MBTPS1: variants seen among roughly 807,000 people sequenced by gnomAD.
MBTPS1 encodes the protein membrane-bound transcription factor site-1 protease.
In MBTPS1, 94 loss-of-function variants were observed where a neutral mutation model predicts 127.8. That is an observed-to-expected ratio of 0.74 (90% CI 0.62 to 0.87). The LOEUF (loss-of-function observed/expected upper bound fraction) is 0.87, where lower values mean the gene tolerates loss of function less well. Ranked by LOEUF, MBTPS1 falls within the 40% of genes least tolerant of loss-of-function variation. The pLI is 0.00. For missense variants in MBTPS1, 1,636 were observed against 1,353.2 expected (o/e 1.21, Z -3.28); for synonymous variants, 632 against 509.4 (o/e 1.24, Z -3.24).
chr16:84,089,640 TA>T (rs1297457331), intron 8 of MBTPS1, among the ~76,000 whole-genome samples: 2 of 152,228 alleles, frequency 1.3e-5, no homozygotes, highest in Non-Finnish European at 2.9e-5. Flanking sequence ...GGCTGCTCTC[TA>T]CTCCCATCAC....
intron 11 of MBTPS1, among the ~76,000 whole-genome samples, chr16:84,078,077 C>A (rs981581938): frequency 6.6e-6 from 1 of 152,190 alleles, no homozygotes; most frequent in Admixed American, 6.5e-5. Flanking sequence ...GTCAGTGAGG[C>A]TTTGGGGAAA....
At chr16:84,095,959 C>T (rs763641586) in intron 3 of MBTPS1, among the ~76,000 whole-genome samples, 154 bp from the exon 4 acceptor site, 53 of 152,148 alleles carry the variant, frequency 3.5e-4, no homozygotes, top group Non-Finnish European at 6.2e-4. Context: ...AGGACAGTCT[C>T]AATGCAATTA....
At chr16:84,097,856 GTGTGTGTGTGTGTGTT>G (rs1034888979) in intron 3 of MBTPS1, among the ~76,000 whole-genome samples, 5 of 151,552 alleles carry the variant, frequency 3.3e-5, no homozygotes, top group African/African-American at 1.2e-4. Context: ...GTGTGTGTGT[GTGTGTGTGTGTGTGTT>G]TGTGTGTGTG....
intron 1 of MBTPS1, among the ~76,000 whole-genome samples, chr16:84,116,345 C>G (rs1042132019): frequency 6.6e-6 from 1 of 152,172 alleles, no homozygotes; most frequent in African/African-American, 2.4e-5. Context: ...AAACCAGCAG[C>G]GCAATATGCA....
chr16:84,072,622 C>G (rs569608702), intron 12 of MBTPS1, among the ~76,000 whole-genome samples: 94 of 152,222 alleles, frequency 6.2e-4, no homozygotes, highest in African/African-American at 2.2e-3. Flanking sequence ...AAACCCGTCT[C>G]TACTAAAAAT....
At chr16:84,095,227 A>C (rs1326399460) in intron 4 of MBTPS1, among the ~76,000 whole-genome samples, 2 of 152,204 alleles carry the variant, frequency 1.3e-5, no homozygotes, top group African/African-American at 4.8e-5. Flanking sequence ...GAAGTGACAG[A>C]CTTCTGCAGG....
intron 16 of MBTPS1, 112 bp downstream of exon 16, chr16:84,067,555 T>A: frequency 1.2e-6 from 1 of 856,450 alleles, no homozygotes; most frequent in Non-Finnish European, 1.9e-6. Flanking sequence ...TCTGAATGTG[T>A]CTGTGCCAAC....
intron 1 of MBTPS1, among the ~76,000 whole-genome samples, chr16:84,107,810 T>G (rs936508996): frequency 1.0e-4 from 15 of 150,202 alleles, no homozygotes; most frequent in African/African-American, 1.5e-4. Context: ...GCTCAAGTGA[T>G]CCTCCTACCT....
At chr16:84,054,752 A>G (rs2085495081) in intron 22 of MBTPS1, 107 bp from the exon 23 acceptor site, 12 of 826,932 alleles carry the variant, frequency 1.5e-5, no homozygotes, top group South Asian at 1.2e-4. Flanking sequence ...AGCTAATTTC[A>G]CTAGCTGGGC....
Position 84,063,380 on chromosome 16 carries a change from T to C in MBTPS1, c.2497A>G (p.Ile833Val), listed in dbSNP as rs145091497. The change falls in exon 19 of 23, where the codon ATT becomes GTT. Residue 833 changes from isoleucine to valine, a missense_variant. Transcript: ENST00000343411. The stretch of plus-strand genomic sequence containing the variant: ...ATCCGGCCTCCACCCTCAGCTGGAA[T>C]CTGATAAAGTCCCAAAATGGGGACG... ...ENVPILGLYQIPAEGGGRIVL... is the reference protein window; with the variant it reads ...ENVPILGLYQVPAEGGGRIVL... 809 of 1,614,172 alleles carry C rather than the reference T, an allele frequency of 5.0e-4. No individual in the cohort carries two copies. The highest frequency in any genetic ancestry group is 6.2e-4 in the Non-Finnish European group (732 of 1,180,000).
rs1385442146 is a variant in MBTPS1 at position 84,101,721 on chromosome 16, C to T, written c.63G>A (p.Leu21=). The T allele has an allele frequency of 6.2e-7, 1 of 1,614,132 alleles. No homozygotes were observed. Among genetic ancestry groups the T allele is most frequent in the Admixed American group, 1.7e-5 (1 of 60,032 alleles). The stretch of plus-strand genomic sequence containing the variant: ...AAGATTTCTTTTCCAGTCTGTCGCC[C>T]AGATGTTTCTTCCCACAGAGCAAAA... The part of the protein sequence containing the change: ...LVVLLCGKKH[L]GDRLEKKSFE... Residue 21 remains leucine, a synonymous_variant, in exon 2 of 23, where the codon CTG becomes CTA. Transcript: ENST00000343411.
intron 18 of MBTPS1, among the ~76,000 whole-genome samples, chr16:84,064,655 A>G (rs143584581): frequency 2.6e-5 from 4 of 152,340 alleles, no homozygotes; most frequent in Non-Finnish European, 4.4e-5. Context: ...TCCCTTGTTT[A>G]CAGCTAGAAC....
chr16:84,072,918 G>A (rs1036257108), intron 12 of MBTPS1, among the ~76,000 whole-genome samples: 1 of 152,228 alleles, frequency 6.6e-6, no homozygotes, highest in Non-Finnish European at 1.5e-5. Context: ...AGCCATCCTT[G>A]ACTGTTCACA....
intron 11 of MBTPS1, 130 bp from the exon 12 acceptor site, chr16:84,074,871 C>A: frequency 1.3e-6 from 1 of 768,840 alleles, no homozygotes; most frequent in Non-Finnish European, 2.0e-6. Context: ...CTGCCCTAGG[C>A]TGGCATCTGG....
chr16:84,082,985 A>C (rs1182911873), intron 10 of MBTPS1, among the ~76,000 whole-genome samples: 1 of 152,208 alleles, frequency 6.6e-6, no homozygotes, highest in Non-Finnish European at 1.5e-5. Context: ...GGAGATGAGG[A>C]GACTGAAAGG....
In MBTPS1 at chr16:84,060,775, A is replaced by T. The variant is rs1371597006; in HGVS notation, c.2611T>A (p.Ser871Thr). 6.2e-7 allele frequency: 1 copy of T among 1,603,304 alleles called. No homozygotes were observed. Among genetic ancestry groups the T allele is most frequent in the Non-Finnish European group, 8.5e-7 (1 of 1,175,062 alleles). The change falls in exon 20 of 23, where the codon TCG (serine) becomes ACG (threonine). Residue 871 changes from serine (S) to threonine (T), a missense_variant. Coordinates refer to ENST00000343411, the MANE Select transcript of MBTPS1 (RefSeq NM_003791.4). The part of the protein sequence containing the change: ...WLLDALLQYT[S>T]YGVTPPSLSH... ...AGGCTAGGCGGTGTCACCCCATACG[A>T]TGTGTACTGGAGGAGGGCATCCAGA...
intron 12 of MBTPS1, among the ~76,000 whole-genome samples, chr16:84,073,657 A>C (rs563555187): frequency 6.6e-6 from 1 of 151,184 alleles, no homozygotes; most frequent in Non-Finnish European, 1.5e-5. Context: ...AAGATTTTTA[A>C]AAATTTACAA....
chr16:84,078,717 GGA>G (rs1255579390), intron 11 of MBTPS1, among the ~76,000 whole-genome samples: 2 of 152,192 alleles, frequency 1.3e-5, no homozygotes, highest in Non-Finnish European at 2.9e-5. Flanking sequence ...CTGTGAAAAA[GGA>G]GAATCTCTAC....
chr16:84,080,847 A>T (rs1264844637), intron 11 of MBTPS1, among the ~76,000 whole-genome samples: 2 of 152,198 alleles, frequency 1.3e-5, no homozygotes, highest in Non-Finnish European at 2.9e-5. Flanking sequence ...CACTCCCCAC[A>T]TATCTTTTGA....
Sources: allele counts gnomAD v4.1 joint callset (sites outside exome capture counted in the v4.1 genomes callset), GRCh38; gene constraint gnomAD v4.1.1; transcripts MANE v1.5; gene names NCBI Gene and HGNC (gene_info 2026-07-23, HGNC 2026-07-21).